The following CDC37L1 variants were observed in gnomAD, a reference collection of about 807,000 sequenced individuals.
CDC37L1 encodes the protein cell division cycle 37 like 1, HSP90 cochaperone.
A neutral mutation model predicts 45.9 loss-of-function variants in CDC37L1; 32 were observed. That is an observed-to-expected ratio of 0.70 (90% CI 0.53 to 0.94). CDC37L1 has a LOEUF of 0.94. Ranked by LOEUF, CDC37L1 falls within the 40% of genes least tolerant of loss-of-function variation. The probability of loss-of-function intolerance (pLI) is 0.00; values close to 1 mark genes in which losing one functional copy is unlikely to be tolerated. For missense variants in CDC37L1, 434 were observed against 405.7 expected (o/e 1.07, Z -0.60); for synonymous variants, 150 against 133.0 (o/e 1.13, Z -0.88).
intron 3 of CDC37L1, among the ~76,000 whole-genome samples, chr9:4,695,485 C>A (rs1374999108): frequency 1.3e-5 from 2 of 152,038 alleles, no homozygotes; most frequent in African/African-American, 2.4e-5. Context: ...ATGCTACAGT[C>A]TTTATCCTTT....
chr9:4,703,057 A>ATT, intron 6 of CDC37L1: 1 of 1,539,196 alleles, frequency 6.5e-7, no homozygotes. Context: ...GTAGCACTTT[A>ATT]ATAGAGCCCA....
At chr9:4,682,481 C>G (rs138114779) in intron 1 of CDC37L1, among the ~76,000 whole-genome samples, 3,770 of 151,978 alleles carry the variant, frequency 0.025, 126 homozygotes, top group African/African-American at 0.076. Context: ...GCACCCGCCA[C>G]CATGCCCGGC....
At chr9:4,703,701 A>C (rs1384929813) in intron 6 of CDC37L1, among the ~76,000 whole-genome samples, 1 of 152,226 alleles carries the variant, frequency 6.6e-6, no homozygotes, top group Non-Finnish European at 1.5e-5. Context: ...TACACATTAT[A>C]GTATCTTAAG....
At chr9:4,685,277 T>A in intron 2 of CDC37L1, 119 bp downstream of exon 2, 1 of 812,700 alleles carries the variant, frequency 1.2e-6, no homozygotes, top group Non-Finnish European at 2.0e-6. Flanking sequence ...ATTTTGACAG[T>A]TTATGAAAGG....
At chr9:4,692,113 G>T (rs77763450) in intron 3 of CDC37L1, among the ~76,000 whole-genome samples, 2,674 of 151,998 alleles carry the variant, frequency 0.018, 73 homozygotes, top group African/African-American at 0.059. Flanking sequence ...TATGATAGAA[G>T]TTTTTTCGTT....
intron 3 of CDC37L1, among the ~76,000 whole-genome samples, chr9:4,692,523 G>A (rs1435129431): frequency 6.6e-6 from 1 of 152,102 alleles, no homozygotes; most frequent in Non-Finnish European, 1.5e-5. Flanking sequence ...GCCCGCCTCG[G>A]CCTCTCAAAG....
intron 5 of CDC37L1, among the ~76,000 whole-genome samples, chr9:4,699,151 A>G (rs1048856984): frequency 6.6e-6 from 1 of 152,208 alleles, no homozygotes; most frequent in Non-Finnish European, 1.5e-5. Flanking sequence ...ACACATATGT[A>G]CTAGATTGCC....
At position 4,706,556 on chromosome 9, in the gene CDC37L1, A is replaced by G. The variant is rs1692312182; in HGVS notation, c.*444A>G. Reference sequence around the variant, plus strand: ...TATCCCACTGCTACTTTAGCTGTCAAATTTGGTGTTTCATCACATTAAAAG... The same window carrying G: ...TATCCCACTGCTACTTTAGCTGTCAGATTTGGTGTTTCATCACATTAAAAG... On this transcript the variant is annotated 3_prime_UTR_variant, in exon 7 of 7. Transcript: ENST00000381854. 1 of 152,896 alleles carries G rather than the reference A, an allele frequency of 6.5e-6. No individual in the cohort carries two copies. The highest frequency in any genetic ancestry group is 2.4e-5 in the African/African-American group (1 of 41,454). 9.5% of individuals were successfully genotyped at this position (152,896 alleles called of 1,614,324 possible).
chr9:4,703,261 T>G, intron 6 of CDC37L1: 1 of 536,774 alleles, frequency 1.9e-6, no homozygotes, highest in Non-Finnish European at 2.9e-6. Flanking sequence ...AATTTCACCA[T>G]TCCAATTACA....
At chr9:4,682,161 C>T (rs6476894) in intron 1 of CDC37L1, among the ~76,000 whole-genome samples, 2,510 of 42,520 alleles carry the variant, frequency 0.059, 281 homozygotes, top group Middle Eastern at 0.18. Flanking sequence ...TATCCTTTCT[C>T]TTTTTTTTTT....
intron 5 of CDC37L1, among the ~76,000 whole-genome samples, chr9:4,700,270 C>T (rs989145269): frequency 1.3e-5 from 2 of 152,200 alleles, no homozygotes; most frequent in African/African-American, 4.8e-5. Context: ...ATCCTCCTGC[C>T]TCAGATTCCC....
chr9:4,682,395 C>G (rs1438316691), intron 1 of CDC37L1, among the ~76,000 whole-genome samples: 4 of 147,780 alleles, frequency 2.7e-5, no homozygotes, highest in African/African-American at 1.0e-4. Context: ...GGTGCAATCT[C>G]GGCTCACTGC....
intron 3 of CDC37L1, among the ~76,000 whole-genome samples, chr9:4,690,336 C>G (rs535433831): frequency 7.2e-5 from 11 of 152,260 alleles, no homozygotes; most frequent in African/African-American, 2.6e-4. Context: ...TTACCAGTCC[C>G]TCTGAGATGA....
At chr9:4,684,100 A>G (rs546017499) in intron 1 of CDC37L1, among the ~76,000 whole-genome samples, 90 of 152,166 alleles carry the variant, frequency 5.9e-4, no homozygotes, top group African/African-American at 2.1e-3. Flanking sequence ...CTTGGCCAAC[A>G]TGGTGAAACC....
At chr9:4,693,531 G>C (rs142047333) in intron 3 of CDC37L1, among the ~76,000 whole-genome samples, 5 of 152,204 alleles carry the variant, frequency 3.3e-5, no homozygotes, top group African/African-American at 1.2e-4. Context: ...AAGGAAGGAC[G>C]TGTATTTCAG....
In CDC37L1 at chr9:4,688,735, G is replaced by C. The variant is rs993410399; in HGVS notation, c.508+129G>C. Reference sequence around the variant, plus strand: ...CTCCAATTTTGTAGCTTCTGGCACAGCTGTATAGATCTTGTTTTAGAATTT... The same window carrying C: ...CTCCAATTTTGTAGCTTCTGGCACACCTGTATAGATCTTGTTTTAGAATTT... On this transcript the variant is annotated intron_variant, in intron 3 of 6. Transcript: ENST00000381854. 33 of 572,132 alleles carry C rather than the reference G, an allele frequency of 5.8e-5. No individual in the cohort carries two copies. In the South Asian group the frequency reaches 7.6e-4, roughly 13 times the overall value. 35.4% of individuals were successfully genotyped at this position (572,132 alleles called of 1,614,324 possible).
At chr9:4,702,822 G>C (rs930013661) in intron 6 of CDC37L1, among the ~76,000 whole-genome samples, 1 of 143,186 alleles carries the variant, frequency 7.0e-6, no homozygotes, top group Non-Finnish European at 1.5e-5. Flanking sequence ...CCGGGAGGCA[G>C]AGCTTGCAGT....
At chr9:4,680,669 G>A (rs942636758) in intron 1 of CDC37L1, among the ~76,000 whole-genome samples, 11 of 152,122 alleles carry the variant, frequency 7.2e-5, no homozygotes, top group African/African-American at 2.4e-4. Context: ...TTACATACTC[G>A]CATCACCTTG....
intron 5 of CDC37L1, among the ~76,000 whole-genome samples, chr9:4,699,487 T>G (rs1230125553): frequency 1.3e-5 from 2 of 151,878 alleles, no homozygotes. Context: ...AACAAGAGAG[T>G]GAATCAAACA....
Sources: gnomAD v4.1 joint callset for allele counts (sites outside exome capture counted in the v4.1 genomes callset) on GRCh38, gnomAD v4.1.1 for gene constraint, MANE v1.5 for transcripts, NCBI Gene and HGNC (gene_info 2026-07-23, HGNC 2026-07-21) for gene names.